STK3: variants seen among roughly 807,000 people sequenced by gnomAD.
The protein encoded by STK3 is serine/threonine-protein kinase 3.
A neutral mutation model predicts 58.0 loss-of-function variants in STK3; 41 were observed. The observed-to-expected ratio is 0.71, with a 90% CI of 0.55 to 0.92. The LOEUF (loss-of-function observed/expected upper bound fraction) is 0.92, where lower values mean the gene tolerates loss of function less well. Ranked by LOEUF, STK3 falls within the 40% of genes least tolerant of loss-of-function variation. The pLI is 0.00. For missense variants in STK3, 479 were observed against 602.7 expected, an observed-to-expected ratio of 0.79 and a Z score of 2.15; for synonymous variants, 170 against 191.0, an observed-to-expected ratio of 0.89 and a Z score of 0.91.
downstream of STK3, chr8:98,880,716 T>A (rs1031789976): frequency 3.3e-5 from 5 of 152,098 alleles, no homozygotes; most frequent in African/African-American, 1.2e-4. Flanking sequence ...AAAATAAGCA[T>A]ACGAAAAGAA....
chr8:98,436,217 C>T lies in STK3; in HGVS notation n.291+886G>A, dbSNP rs183324130. ...CCATCACCCCATGGTTCTTCCTTCT[C>T]CTCTGACCCCTCCCTCTTCCATTTC... On this transcript the variant is annotated intron_variant and non_coding_transcript_variant, in intron 2 of 3. Transcript: ENST00000517832. Among the ~76,000 whole-genome samples the T allele has an allele frequency of 1.4e-3, 216 of 152,210 alleles. 2 individuals carry two copies. The highest frequency in any genetic ancestry group is 4.7e-3 in the African/African-American group (197 of 41,520).
chr8:98,816,217 T>C (rs1011435155), intron 1 of STK3, among the ~76,000 whole-genome samples: 3 of 152,228 alleles, frequency 2.0e-5, no homozygotes, highest in Non-Finnish European at 4.4e-5. Context: ...TGACAACTCA[T>C]ATCAAAACTG....
intron 1 of STK3, among the ~76,000 whole-genome samples, chr8:98,381,469 A>T (rs1232093516): frequency 6.6e-5 from 10 of 152,130 alleles, no homozygotes; most frequent in Admixed American, 6.5e-4. Flanking sequence ...AAACAGACAT[A>T]CGTGACTCAT....
At chr8:98,555,790 T>A (rs1811543279) in intron 8 of STK3, among the ~76,000 whole-genome samples, 1 of 152,016 alleles carries the variant, frequency 6.6e-6, no homozygotes, top group African/African-American at 2.4e-5. Context: ...ATACTACAAA[T>A]ACATAGCTGA....
At chr8:98,937,445 T>C (rs1840236828) in intron 1 of STK3, among the ~76,000 whole-genome samples, 1 of 152,218 alleles carries the variant, frequency 6.6e-6, no homozygotes, top group African/African-American at 2.4e-5. Context: ...CCTTGACTTA[T>C]AAAAATGACT....
intron 1 of STK3, among the ~76,000 whole-genome samples, chr8:98,448,092 C>T (rs915864260): frequency 2.0e-5 from 3 of 151,652 alleles, no homozygotes; most frequent in South Asian, 4.2e-4. Flanking sequence ...TCACTACTTA[C>T]TTGTTAAAGC....
At chr8:98,904,118 AAAAC>A (rs1158858711) in intron 1 of STK3, among the ~76,000 whole-genome samples, 1 of 152,244 alleles carries the variant, frequency 6.6e-6, no homozygotes, top group Non-Finnish European at 1.5e-5. Flanking sequence ...CAGATATAAA[AAAAC>A]AAACAACACA....
chr8:98,752,041 A>T (rs1473566485), intron 3 of STK3, among the ~76,000 whole-genome samples: 1 of 152,182 alleles, frequency 6.6e-6, no homozygotes. Flanking sequence ...TATAGATTCA[A>T]TGCTATTCTT....
chr8:98,640,238 C>T (rs930838305), intron 6 of STK3, among the ~76,000 whole-genome samples: 1 of 151,976 alleles, frequency 6.6e-6, no homozygotes, highest in Non-Finnish European at 1.5e-5. Flanking sequence ...ACTGTAGACA[C>T]GGGGTTTCAC....
chr8:98,482,675 G>C (rs1205473600), intron 10 of STK3, among the ~76,000 whole-genome samples: 1 of 151,984 alleles, frequency 6.6e-6, no homozygotes, highest in African/African-American at 2.4e-5. Flanking sequence ...ATGTCAAACA[G>C]AGGGAAGAAT....
chr8:98,782,529 C>G, intron 1 of STK3: 1 of 331,866 alleles, frequency 3.0e-6, no homozygotes, highest in South Asian at 3.1e-5. Flanking sequence ...GCCTGCTGGT[C>G]TAAGACCAAG....
At chr8:98,679,214 T>C (rs1257713368) in intron 6 of STK3, among the ~76,000 whole-genome samples, 1 of 152,220 alleles carries the variant, frequency 6.6e-6, no homozygotes, top group African/African-American at 2.4e-5. Context: ...CTGTGACTTC[T>C]CATCTCATTC....
chr8:98,358,195 G>T, the STK3 span, among the ~76,000 whole-genome samples: 1 of 152,200 alleles, frequency 6.6e-6, no homozygotes, highest in South Asian at 2.1e-4. Flanking sequence ...AGCTTAATGT[G>T]CAAATCCCCA....
At chr8:98,752,711 G>A (rs1830056915) in intron 3 of STK3, among the ~76,000 whole-genome samples, 1 of 151,322 alleles carries the variant, frequency 6.6e-6, no homozygotes, top group Non-Finnish European at 1.5e-5. Context: ...ATCCAATAAA[G>A]GTCTAATATC....
intron 6 of STK3, among the ~76,000 whole-genome samples, chr8:98,635,062 G>GA (rs553614803): frequency 4.7e-4 from 70 of 149,910 alleles, no homozygotes; most frequent in Admixed American, 9.3e-4. Flanking sequence ...ATGGGTAGGA[G>GA]AAAAAAAAAC....
Position 98,587,272 on chromosome 8 carries a change from C to T in STK3, c.823-7483G>A, listed in dbSNP as rs538245828. Among the ~76,000 whole-genome samples the T allele has an allele frequency of 1.5e-3, 221 of 151,998 alleles. 2 individuals carry two copies. In the East Asian group the frequency reaches 0.021, roughly 15 times the overall value. The stretch of plus-strand genomic sequence containing the variant: ...TTCCCTCTACACACTGCTTTGAATG[C>T]GTCCCAGAGATTCTGGTATGTTGTG... On this transcript the variant is annotated intron_variant, in intron 7 of 10. Coordinates refer to ENST00000419617, the MANE Select transcript of STK3 (RefSeq NM_006281.4).
chr8:98,378,007 A>C (rs1265199886), intron 2 of STK3, among the ~76,000 whole-genome samples: 1 of 152,202 alleles, frequency 6.6e-6, no homozygotes, highest in Admixed American at 6.5e-5. Flanking sequence ...GTTGACTTCA[A>C]GAGGTGTCTC....
At chr8:98,640,571 C>T (rs1483867027) in intron 6 of STK3, among the ~76,000 whole-genome samples, 1 of 152,068 alleles carries the variant, frequency 6.6e-6, no homozygotes, top group African/African-American at 2.4e-5. Flanking sequence ...ATATCTTCAA[C>T]ACTTTCATTG....
intron 3 of STK3, among the ~76,000 whole-genome samples, chr8:98,837,936 T>C (rs1835802983): frequency 6.6e-6 from 1 of 151,876 alleles, no homozygotes; most frequent in Admixed American, 6.6e-5. Context: ...TGTCTAAAAA[T>C]AAGTAAATTA....
Sources: allele counts gnomAD v4.1 joint callset (sites outside exome capture counted in the v4.1 genomes callset), GRCh38; gene constraint gnomAD v4.1.1; transcripts MANE v1.5; gene names NCBI Gene and HGNC (gene_info 2026-07-23, HGNC 2026-07-21).